CGREF1: variants seen among roughly 807,000 people sequenced by gnomAD.
The protein encoded by CGREF1 is cell growth regulator with EF-hand domain 1.
CGREF1 carries 16 observed loss-of-function variants against 17.4 expected under a neutral mutation model. The ratio of observed to expected loss-of-function variants is 0.92; its 90% CI spans 0.62 to 1.40. CGREF1 has a LOEUF of 1.40. Ranked by LOEUF, CGREF1 falls within the 40% of genes most tolerant of loss-of-function variation. The probability of loss-of-function intolerance (pLI) is 0.00; values close to 1 mark genes in which losing one functional copy is unlikely to be tolerated. For synonymous variants in CGREF1, 142 were observed against 154.6 expected (o/e 0.92, Z 0.61); for missense variants, 296 against 376.4 (o/e 0.79, Z 1.77).
At chr2:27,111,643 C>T (rs1422820782) in intron 1 of CGREF1, among the ~76,000 whole-genome samples, 2 of 152,180 alleles carry the variant, frequency 1.3e-5, no homozygotes, top group Non-Finnish European at 2.9e-5. Context: ...CTGCAGGTCT[C>T]GAGCCCTGCC....
At chr2:27,116,358 C>G (rs1671563788) in intron 1 of CGREF1, among the ~76,000 whole-genome samples, 1 of 151,838 alleles carries the variant, frequency 6.6e-6, no homozygotes, top group Non-Finnish European at 1.5e-5. Context: ...GAAACCCCAT[C>G]TCTACTAAAA....
intron 4 of CGREF1, 39 bp from the exon 5 acceptor site, chr2:27,102,260 G>A (rs1199558696): frequency 1.9e-6 from 3 of 1,611,158 alleles, no homozygotes; most frequent in Admixed American, 1.7e-5. Context: ...AGGTGCCGGG[G>A]GAGGTGGAGA....
chr2:27,109,841 C>T (rs534959413), intron 1 of CGREF1, among the ~76,000 whole-genome samples: 1 of 137,258 alleles, frequency 7.3e-6, no homozygotes, highest in East Asian at 2.2e-4. Context: ...GCCGAGATCA[C>T]ACCATTGCAC....
chr2:27,103,405 G>A (rs1670987957), intron 2 of CGREF1, among the ~76,000 whole-genome samples: 1 of 149,902 alleles, frequency 6.7e-6, no homozygotes, highest in Non-Finnish European at 1.5e-5. Context: ...ATAGAGTCTC[G>A]CTCTGTCACC....
intron 2 of CGREF1, chr2:27,103,042 T>G: frequency 1.0e-6 from 1 of 985,402 alleles, no homozygotes; most frequent in South Asian, 4.7e-5. Flanking sequence ...AATTGACCTA[T>G]ACTTTTTCCA....
Position 27,104,371 on chromosome 2 carries a change from CCTGGAA to C in CGREF1, c.-11_-6del. The C allele has an allele frequency of 6.2e-7, 1 of 1,613,508 alleles. No homozygotes were observed. The highest frequency in any genetic ancestry group is 8.5e-7 in the Non-Finnish European group (1 of 1,179,758). ...TGTCATCGTCAAAGGTAACATCCTT[CCTGGAA>C]CTGGAACAAGGAAGAGAATCAGGGG... On this transcript the variant is annotated splice_region_variant and 5_prime_UTR_variant, in exon 2 of 6. Transcript: ENST00000402394.
chr2:27,107,490 T>C (rs1468294162), intron 1 of CGREF1, among the ~76,000 whole-genome samples: 1 of 151,752 alleles, frequency 6.6e-6, no homozygotes, highest in Non-Finnish European at 1.5e-5. Context: ...CCTGACCTCA[T>C]GATCTGCCCA....
In CGREF1 at chr2:27,101,786, G is replaced by A. The variant is rs181666550; in HGVS notation, c.445C>T (p.His149Tyr). Residue 149 changes from histidine to tyrosine, a missense_variant, in exon 6 of 6, where the codon CAC (histidine) becomes TAC (tyrosine). By Grantham distance (83) the His-to-Tyr change is moderately conservative (BLOSUM62 2). Transcript: ENST00000402394. ...LINFPGVALR[H>Y]VEPGEPLAPS... ...GCAAGGGGCTCTCCGGGCTCCACGT[G>A]CCTGAGGGCTACTCCCGGGAAGTTG... The A allele has an allele frequency of 2.0e-5, 32 of 1,614,198 alleles. No homozygotes were observed. The East Asian group carries it at 6.9e-4, about 35-fold the overall frequency.
intron 1 of CGREF1, among the ~76,000 whole-genome samples, chr2:27,116,916 TCTC>T (rs1671603719): frequency 3.5e-5 from 3 of 85,606 alleles, no homozygotes; most frequent in African/African-American, 1.3e-4. Context: ...TCTCTCTCTC[TCTC>T]TCTCTTTTTT....
Position 27,101,040 on chromosome 2 carries a change from C to G in CGREF1, c.*234G>C, listed in dbSNP as rs867604248. On this transcript the variant is annotated 3_prime_UTR_variant, in exon 6 of 6. Transcript: ENST00000402394. ...CCCAACCCCGTTCCTCTGAGAGGGT[C>G]TGGGCAGGCTGGACGGGTAGAGAGG... 1.4e-5 allele frequency: 18 copies of G among 1,326,142 alleles called. No individual in the cohort carries two copies. The Admixed American group carries it at 2.2e-4, about 16-fold the overall frequency. The allele number at this position is 1,326,142 out of a possible 1,614,324, so 82.1% of individuals were successfully genotyped here. A position where few individuals can be genotyped will look rare whatever the true frequency, so the allele number is the denominator to read the frequency against.
At position 27,100,645 on chromosome 2, in the gene CGREF1, C is replaced by T; in HGVS notation, c.*629G>A. 2.8e-6 allele frequency: 3 copies of T among 1,085,874 alleles called. No individual in the cohort carries two copies. Among genetic ancestry groups the T allele is most frequent in the Non-Finnish European group, 3.6e-6 (3 of 835,270 alleles). 67.3% of individuals were successfully genotyped at this position (1,085,874 alleles called of 1,614,324 possible). ...CTGCATATCACCTTAGGGTACAGCA[C>T]TTAACGCAATCTGCCTCAATTTCTT... is the stretch of plus-strand genomic sequence containing the variant. On this transcript the variant is annotated 3_prime_UTR_variant, in exon 6 of 6. Transcript: ENST00000402394.
intron 1 of CGREF1, among the ~76,000 whole-genome samples, chr2:27,117,920 G>T (rs761382309): frequency 2.0e-5 from 3 of 152,020 alleles, no homozygotes; most frequent in African/African-American, 7.2e-5. Flanking sequence ...GGGTTTCACC[G>T]TGTTAACCAG....
chr2:27,099,460 G>A (rs747489398), downstream of CGREF1: 7 of 1,614,016 alleles, frequency 4.3e-6, no homozygotes, highest in East Asian at 2.2e-5. Context: ...GGGCGCCGAC[G>A]CCCTGGGCCC....
chr2:27,100,070 G>A (rs1482244034), downstream of CGREF1: 7 of 611,436 alleles, frequency 1.1e-5, no homozygotes, highest in East Asian at 2.8e-5. Flanking sequence ...TAACCTCTCC[G>A]CCCAGGCCCA....
At chr2:27,116,268 T>A (rs1241216915) in intron 1 of CGREF1, among the ~76,000 whole-genome samples, 1 of 148,360 alleles carries the variant, frequency 6.7e-6, no homozygotes, top group Non-Finnish European at 1.5e-5. Context: ...GGCTTACACC[T>A]GTAATCCCAG....
intron 1 of CGREF1, among the ~76,000 whole-genome samples, chr2:27,118,391 TC>T (rs1671666293): frequency 6.6e-6 from 1 of 151,926 alleles, no homozygotes; most frequent in Non-Finnish European, 1.5e-5. Context: ...CCAGCACCCA[TC>T]CCCCAAGAAA....
chr2:27,102,951 T>G, intron 2 of CGREF1: 1 of 985,476 alleles, frequency 1.0e-6, no homozygotes, highest in Non-Finnish European at 1.2e-6. Flanking sequence ...CCTTCCATGC[T>G]GGGAGCCAAG....
rs1192189782 is a variant in CGREF1 at position 27,100,806 on chromosome 2, A to C, written c.*468T>G. ...CTAGTGATGATTAATATTACTGGGG[A>C]TGGGGTCACCTGCCCTGAGCTGCAG... On this transcript the variant is annotated 3_prime_UTR_variant, in exon 6 of 6. Transcript: ENST00000402394. 15 of 1,117,908 alleles carry C rather than the reference A, an allele frequency of 1.3e-5. No individual in the cohort carries two copies. The highest frequency in any genetic ancestry group is 1.7e-5 in the Non-Finnish European group (15 of 906,964). 69.2% of individuals were successfully genotyped at this position (1,117,908 alleles called of 1,614,324 possible).
In CGREF1 at chr2:27,104,278, C is replaced by T. The variant is rs1433873109; in HGVS notation, c.80+9G>A. On this transcript the variant is annotated intron_variant, in intron 2 of 5. Coordinates refer to ENST00000402394, the MANE Select transcript of CGREF1 (RefSeq NM_006569.6). ...CCAGCCCTTGGCCCTGCCCTCATAA[C>T]CCTGTTACCTTGTGACTCCATCCTT... 2 of 1,550,818 alleles carry T rather than the reference C, an allele frequency of 1.3e-6. No homozygotes were observed. Among genetic ancestry groups the T allele is most frequent in the Admixed American group, 1.9e-5 (1 of 52,314 alleles).
Sources: allele counts gnomAD v4.1 joint callset (sites outside exome capture counted in the v4.1 genomes callset), GRCh38; gene constraint gnomAD v4.1.1; transcripts MANE v1.5; gene names NCBI Gene and HGNC (gene_info 2026-07-23, HGNC 2026-07-21).